The following PDE4D variants were observed in gnomAD, a reference collection of about 807,000 sequenced individuals.
PDE4D encodes phosphodiesterase 4D.
PDE4D carries 24 observed loss-of-function variants against 87.4 expected under a neutral mutation model. The observed-to-expected ratio is 0.27, with a 90% confidence interval of 0.20 to 0.39. The LOEUF (loss-of-function observed/expected upper bound fraction) is 0.39, where lower values mean the gene tolerates loss of function less well. Among genes scored for constraint, PDE4D ranks in the 10% least tolerant of loss-of-function variants. The pLI, the probability that PDE4D is intolerant of heterozygous loss-of-function variation, is 1.00. For missense variants in PDE4D, 714 were observed against 1,041.0 expected, an observed-to-expected ratio of 0.69 and a Z score of 4.32; for synonymous variants, 384 against 383.2, an observed-to-expected ratio of 1.00 and a Z score of -0.02.
At chr5:59,010,745 A>C (rs111567606) in intron 6 of PDE4D, among the ~76,000 whole-genome samples, 9,945 of 152,236 alleles carry the variant, frequency 0.065, 420 homozygotes, top group South Asian at 0.095. Flanking sequence ...TGAGTGATGC[A>C]GAAGACGGGT....
chr5:60,162,660 G>A (rs1039197412), intron 2 of PDE4D, among the ~76,000 whole-genome samples: 4 of 151,770 alleles, frequency 2.6e-5, no homozygotes, highest in South Asian at 4.2e-4. Context: ...CAGAGATACT[G>A]AATCAAAAAT....
chr5:60,263,834 A>G (rs1450516935), intron 1 of PDE4D, among the ~76,000 whole-genome samples: 1 of 152,156 alleles, frequency 6.6e-6, no homozygotes, highest in Non-Finnish European at 1.5e-5. Flanking sequence ...AAATTCCTCA[A>G]AGTCCTTGGC....
chr5:59,550,664 G>A (rs550840435), intron 1 of PDE4D, among the ~76,000 whole-genome samples: 16 of 151,374 alleles, frequency 1.1e-4, no homozygotes, highest in African/African-American at 3.4e-4. Context: ...TCATTTTCCT[G>A]GAAGAAAGGT....
chr5:59,969,632 C>G (rs917356717), intron 3 of PDE4D, among the ~76,000 whole-genome samples: 12 of 152,152 alleles, frequency 7.9e-5, no homozygotes, highest in African/African-American at 2.9e-4. Context: ...CCCCATGTGT[C>G]ACAGGAGAGA....
intron 1 of PDE4D, among the ~76,000 whole-genome samples, chr5:60,261,492 C>CG (rs1749642276): frequency 6.6e-6 from 1 of 152,070 alleles, no homozygotes; most frequent in Non-Finnish European, 1.5e-5. Flanking sequence ...TTCCATTTAA[C>CG]TTTTAATTAA....
intron 1 of PDE4D, among the ~76,000 whole-genome samples, chr5:60,333,712 T>C (rs777075679): frequency 1.3e-5 from 2 of 152,212 alleles, no homozygotes; most frequent in Non-Finnish European, 2.9e-5. Flanking sequence ...ACATGCATTA[T>C]GTGTGAGCTG....
chr5:60,006,860 C>G (rs1764545009), intron 2 of PDE4D, among the ~76,000 whole-genome samples: 1 of 151,836 alleles, frequency 6.6e-6, no homozygotes. Flanking sequence ...ATTACCATAT[C>G]CAATTTCAAA....
chr5:59,130,681 A>G (rs1376409582), intron 5 of PDE4D, among the ~76,000 whole-genome samples: 1 of 152,216 alleles, frequency 6.6e-6, no homozygotes, highest in African/African-American at 2.4e-5. Context: ...AATCAAAAGA[A>G]GGTATTCATC....
At chr5:60,443,578 A>G (rs1043800638) in intron 1 of PDE4D, among the ~76,000 whole-genome samples, 1 of 152,180 alleles carries the variant, frequency 6.6e-6, no homozygotes, top group Non-Finnish European at 1.5e-5. Flanking sequence ...TGAACTTAAC[A>G]TTCTCAAAAA....
chr5:60,084,408 G>C (rs749951369), intron 2 of PDE4D, among the ~76,000 whole-genome samples: 1 of 151,390 alleles, frequency 6.6e-6, no homozygotes, highest in South Asian at 2.1e-4. Context: ...GTGTGTGTGC[G>C]CGCGCGCGTG....
In PDE4D at chr5:60,391,079, T is replaced by C. The variant is rs141547548; in HGVS notation, c.-90+96863A>G. ...CTATCTAATATATGATGCATTTTAC[T>C]TATTTATTATCTTTCCCCTTCTACA... On this transcript the variant is annotated intron_variant, in intron 1 of 16. Coordinates refer to the PDE4D transcript ENST00000502484. Among the ~76,000 whole-genome samples, 5 of 152,356 alleles carry C rather than the reference T, an allele frequency of 3.3e-5. No homozygotes were observed. In the East Asian group the frequency reaches 9.6e-4, roughly 29 times the overall value.
chr5:59,669,352 T>C (rs1746786341), intron 1 of PDE4D, among the ~76,000 whole-genome samples: 1 of 152,196 alleles, frequency 6.6e-6, no homozygotes, highest in Admixed American at 6.5e-5. Context: ...CCTCAGGTTA[T>C]CTGTCCGCCT....
At chr5:59,793,471 C>A (rs1480827537) in intron 1 of PDE4D, among the ~76,000 whole-genome samples, 12 of 152,216 alleles carry the variant, frequency 7.9e-5, no homozygotes, top group Admixed American at 7.9e-4. Flanking sequence ...AAGTAGTTAA[C>A]TCCTCTCACC....
chr5:60,012,827 T>C (rs913901834), intron 2 of PDE4D, among the ~76,000 whole-genome samples: 8 of 152,202 alleles, frequency 5.3e-5, no homozygotes, highest in Admixed American at 2.0e-4. Context: ...TTCTGATGCA[T>C]GTCAGGAGCT....
chr5:60,440,093 T>C (rs967060926), intron 1 of PDE4D, among the ~76,000 whole-genome samples: 2 of 152,062 alleles, frequency 1.3e-5, no homozygotes, highest in Non-Finnish European at 2.9e-5. Flanking sequence ...TCTTTCCTAC[T>C]TCAGAGTCTT....
rs190105205 is a variant in PDE4D, at chr5:60,448,301, C to G, written c.-90+39641G>C. Among the ~76,000 whole-genome samples, 714 of 152,158 alleles carry G rather than the reference C, an allele frequency of 4.7e-3. 8 individuals are homozygous for G. The highest frequency in any genetic ancestry group is 0.016 in the African/African-American group (660 of 41,528). On this transcript the variant is annotated intron_variant, in intron 1 of 16. Transcript: ENST00000502484. ...ACTTAAAAGCAAAATCATTCATTTACCAGAATAACTCAGAACAAAATGGTA... is the reference window on the plus strand; with the variant it reads ...ACTTAAAAGCAAAATCATTCATTTAGCAGAATAACTCAGAACAAAATGGTA...
At chr5:59,850,750 T>A (rs1244572778) in intron 1 of PDE4D, among the ~76,000 whole-genome samples, 3 of 151,912 alleles carry the variant, frequency 2.0e-5, no homozygotes, top group African/African-American at 7.2e-5. Flanking sequence ...TGAAGCGTTT[T>A]GAAAGGGATG....
intron 1 of PDE4D, among the ~76,000 whole-genome samples, chr5:59,226,201 A>G (rs999268927): frequency 6.6e-6 from 1 of 152,224 alleles, no homozygotes; most frequent in Non-Finnish European, 1.5e-5. Flanking sequence ...TTATATTCCC[A>G]TATTCATTTA....
chr5:59,825,507 A>G (rs1012239440), intron 1 of PDE4D, among the ~76,000 whole-genome samples: 1 of 152,110 alleles, frequency 6.6e-6, no homozygotes, highest in Admixed American at 6.5e-5. Flanking sequence ...CTGAGGACAG[A>G]GTCTCTGTGG....
Sources: allele counts gnomAD v4.1 joint callset (sites outside exome capture counted in the v4.1 genomes callset), GRCh38; gene constraint gnomAD v4.1.1; transcripts MANE v1.5; gene names NCBI Gene and HGNC (gene_info 2026-07-23, HGNC 2026-07-21).